C15orf40: variants seen among roughly 807,000 people sequenced by gnomAD.
C15orf40 encodes UPF0235 protein C15orf40.
In C15orf40, 9 loss-of-function variants were observed where a neutral mutation model predicts 13.9. The ratio of observed to expected loss-of-function variants is 0.65; its 90% CI spans 0.39 to 1.13. C15orf40 has a LOEUF of 1.13. C15orf40 is among the 50% of genes most tolerant of loss of function. The pLI, the probability that C15orf40 is intolerant of heterozygous loss-of-function variation, is 0.01. For synonymous variants in C15orf40, 95 were observed against 69.2 expected, an observed-to-expected ratio of 1.37 and a Z score of -1.85; for missense variants, 225 against 188.5, an observed-to-expected ratio of 1.19 and a Z score of -1.13.
chr15:83,011,569 T>G lies in C15orf40; in HGVS notation c.39A>C (p.Ala13=), dbSNP rs1166018829. 1 of 1,603,398 alleles carries G rather than the reference T, an allele frequency of 6.2e-7. No individual in the cohort carries two copies. Among genetic ancestry groups the G allele is most frequent in the African/African-American group, 1.3e-5 (1 of 74,562 alleles). Residue 13 remains alanine (A), a synonymous_variant, in exon 1 of 4, where the codon GCA becomes GCC. Coordinates refer to ENST00000304177, the MANE Select transcript of C15orf40 (RefSeq NM_144597.3). ...GAGCGGAGCCCCGAGTATTGGGTGT[T>G]GCCCGAAGGTGCCTCAGCCCGCTGC... ...RLRSGLRHLR[A]TPNTRGSARL...
Position 83,005,166 on chromosome 15 carries a change from T to C in C15orf40, c.*431A>G, listed in dbSNP as rs1039368259. ...TTTAAATTTCTACTTTTTGGAGTCT[T>C]ATTCGAATATATACATATATATATG... On this transcript the variant is annotated 3_prime_UTR_variant, in exon 4 of 4. Transcript: ENST00000304177. 1.9e-6 allele frequency: 2 copies of C among 1,055,686 alleles called. No individual in the cohort carries two copies. The highest frequency in any genetic ancestry group is 7.8e-5 in the East Asian group (1 of 12,788). 65.4% of individuals were successfully genotyped at this position (1,055,686 alleles called of 1,614,324 possible). A position where few individuals can be genotyped will look rare whatever the true frequency, so the allele number is the denominator to read the frequency against.
chr15:83,010,130 G>A, intron 2 of C15orf40, 107 bp downstream of exon 2: 1 of 1,435,166 alleles, frequency 7.0e-7, no homozygotes, highest in Non-Finnish European at 9.4e-7. Flanking sequence ...AACTGCAGAT[G>A]TGAAAAATCA....
At chr15:82,989,343 ATTTGC>A (rs1821532340), downstream of C15orf40, among the ~76,000 whole-genome samples, 1 of 152,102 alleles carries the variant, frequency 6.6e-6, no homozygotes, top group Admixed American at 6.5e-5. Flanking sequence ...TCTGATAAAT[ATTTGC>A]TTTAATATTT....
At chr15:83,008,460 A>T in intron 3 of C15orf40, 88 bp downstream of exon 3, 3 of 1,373,900 alleles carry the variant, frequency 2.2e-6, no homozygotes, top group African/African-American at 2.9e-5. Context: ...TGGAGGTTGC[A>T]GTGAGCCAAG....
Position 83,005,587 on chromosome 15 carries a change from T to C in C15orf40, c.*10A>G, listed in dbSNP as rs1264773890. The C allele has an allele frequency of 1.2e-6, 2 of 1,602,324 alleles. No individual in the cohort carries two copies. Among genetic ancestry groups the C allele is most frequent in the East Asian group, 2.3e-5 (1 of 44,194 alleles). On this transcript the variant is annotated 3_prime_UTR_variant, in exon 4 of 4. Transcript: ENST00000304177. ...GCATGAGCCACTGCGCCCGGCCTCA[T>C]TTCTTGCTTTTATGTTTTTTTGGCT...
In C15orf40 at chr15:83,001,339, TA is replaced by T. The variant is rs2031410012; in HGVS notation, c.*4257del. The T allele has an allele frequency of 1.0e-6, 1 of 963,022 alleles. No individual in the cohort carries two copies. The highest frequency in any genetic ancestry group is 1.2e-6 in the Non-Finnish European group (1 of 809,630). The allele number at this position is 963,022 out of a possible 1,614,324, so 59.7% of individuals were successfully genotyped here. A position where few individuals can be genotyped will look rare whatever the true frequency, so the allele number is the denominator to read the frequency against. On this transcript the variant is annotated 3_prime_UTR_variant, in exon 4 of 4. Coordinates refer to ENST00000304177, the MANE Select transcript of C15orf40 (RefSeq NM_144597.3). ...GTAAGCAACCAAGTTAATAAGTGAT[TA>T]ATACATCATGTTTGCACAAGTAATT...
rs2031270996 is a variant in C15orf40, at chr15:82,998,853, CA to C, written c.*6743del. 1.0e-5 allele frequency: 1 copy of C among 98,306 alleles called. No homozygotes were observed. Among genetic ancestry groups the C allele is most frequent in the Non-Finnish European group, 2.0e-5 (1 of 51,208 alleles). 6.1% of individuals were successfully genotyped at this position (98,306 alleles called of 1,614,324 possible). On this transcript the variant is annotated 3_prime_UTR_variant, in exon 4 of 4. Coordinates refer to ENST00000304177, the MANE Select transcript of C15orf40 (RefSeq NM_144597.3). ...GGTGTAGGTTGTAGTGAGCCGAGATCACGCCACTGCACTCCAGCCTGGGCAC... is the reference window on the plus strand; with the variant it reads ...GGTGTAGGTTGTAGTGAGCCGAGATCCGCCACTGCACTCCAGCCTGGGCAC...
intron 3 of C15orf40, 116 bp from the exon 4 acceptor site, chr15:83,005,808 G>A: frequency 2.2e-6 from 3 of 1,378,078 alleles, no homozygotes; most frequent in Non-Finnish European, 1.9e-6. Context: ...GGTTACTTCT[G>A]GTCTAACCAA....
Position 83,001,655 on chromosome 15 carries a change from G to GT in C15orf40, c.*3941dup, listed in dbSNP as rs2151281948. On this transcript the variant is annotated 3_prime_UTR_variant, in exon 4 of 4. Transcript: ENST00000304177. ...GCACTAGGTCACTGGGTCTACTTCA[G>GT]TATTTACAGGGGAATACCAGGGCCC... The GT allele has an allele frequency of 6.6e-6, 1 of 152,290 alleles. No homozygotes were observed. Among genetic ancestry groups the GT allele is most frequent in the African/African-American group, 2.4e-5 (1 of 41,564 alleles). The allele number at this position is 152,290 out of a possible 1,614,324, so 9.4% of individuals were successfully genotyped here.
chr15:83,010,061 A>G (rs978727351), intron 2 of C15orf40, among the ~76,000 whole-genome samples, 176 bp downstream of exon 2: 9 of 152,276 alleles, frequency 5.9e-5, no homozygotes, highest in Non-Finnish European at 1.2e-4. Context: ...ATTTAAAGAT[A>G]TATTCACTTT....
rs2031015212 is a variant in C15orf40, at chr15:82,995,418, A to C, written c.*10179T>G. The C allele has an allele frequency of 6.6e-6, 1 of 152,274 alleles. No individual in the cohort carries two copies. The highest frequency in any genetic ancestry group is 1.5e-5 in the Non-Finnish European group (1 of 68,068). 9.4% of individuals were successfully genotyped at this position (152,274 alleles called of 1,614,324 possible). On this transcript the variant is annotated 3_prime_UTR_variant, in exon 4 of 4. Transcript: ENST00000304177. ...TTAGAAAAGTGGAGATGAGCTGTGG[A>C]TAATACCCCTCAGATTTAAACATTT...
chr15:83,006,074 A>T (rs1174907235), intron 3 of C15orf40, among the ~76,000 whole-genome samples: 4 of 151,988 alleles, frequency 2.6e-5, no homozygotes, highest in Non-Finnish European at 5.9e-5. Flanking sequence ...TACTAAAAAT[A>T]CAAAAAATTA....
chr15:82,990,898 T>C, downstream of C15orf40: 2 of 428,944 alleles, frequency 4.7e-6, no homozygotes, highest in Non-Finnish European at 4.2e-6. Context: ...AATGTTATAT[T>C]CACTTCCAGA....
intron 3 of C15orf40, chr15:83,008,339 T>A (rs766534842): frequency 1.6e-4 from 74 of 475,146 alleles, no homozygotes; most frequent in Non-Finnish European, 2.5e-4. Flanking sequence ...ACCAACATGG[T>A]GAAACTCCGT....
downstream of C15orf40, chr15:82,990,807 G>A: frequency 5.2e-6 from 3 of 577,226 alleles, no homozygotes; most frequent in Non-Finnish European, 9.2e-6. Context: ...ACTCTGTACT[G>A]TTCACACTTT....
rs746981968 is a variant in C15orf40, at chr15:83,011,634, C to T, written c.-27G>A. 1.3e-6 allele frequency: 2 copies of T among 1,530,930 alleles called. No homozygotes were observed. Among genetic ancestry groups the T allele is most frequent in the Non-Finnish European group, 8.8e-7 (1 of 1,142,122 alleles). The allele number at this position is 1,530,930 out of a possible 1,614,324, so 94.8% of individuals were successfully genotyped here. A position where few individuals can be genotyped will look rare whatever the true frequency, so the allele number is the denominator to read the frequency against. On this transcript the variant is annotated 5_prime_UTR_variant, in exon 1 of 4. Transcript: ENST00000304177. ...CCCGCCTGGGAAGGCGCCGGAAGAG[C>T]CCTCTGCGCTTGCGCAGGTAGCCGG...
chr15:82,990,353 T>C, downstream of C15orf40: 1 of 280,610 alleles, frequency 3.6e-6, no homozygotes. Flanking sequence ...TAGGAATTCT[T>C]TGTTTTACAC....
chr15:82,993,140 T>C (rs1246582185), downstream of C15orf40, among the ~76,000 whole-genome samples: 1 of 152,172 alleles, frequency 6.6e-6, no homozygotes, highest in African/African-American at 2.4e-5. Flanking sequence ...ACTGAGCTTA[T>C]TGGCTCAGCT....
chr15:83,004,516 T>C lies in C15orf40; in HGVS notation c.*1081A>G, dbSNP rs1332414150. ...TATAGATGTAATTTCTGACAAGCTT[T>C]TACAAATACTGAAAATAGCTTCCAA... is the stretch of plus-strand genomic sequence containing the variant. On this transcript the variant is annotated 3_prime_UTR_variant, in exon 4 of 4. Transcript: ENST00000304177. The C allele has an allele frequency of 1.2e-6, 1 of 807,928 alleles. No homozygotes were observed. The highest frequency in any genetic ancestry group is 1.3e-4 in the East Asian group (1 of 7,962). The allele number at this position is 807,928 out of a possible 1,614,324, so 50.0% of individuals were successfully genotyped here. A position where few individuals can be genotyped will look rare whatever the true frequency, so the allele number is the denominator to read the frequency against.
Sources: gnomAD v4.1 joint callset for allele counts (sites outside exome capture counted in the v4.1 genomes callset) on GRCh38, gnomAD v4.1.1 for gene constraint, MANE v1.5 for transcripts, NCBI Gene and HGNC (gene_info 2026-07-23, HGNC 2026-07-21) for gene names.